Variants in CCPG1 observed in about 807,000 individuals in gnomAD.
CCPG1 encodes the protein cell cycle progression 1.
In CCPG1, 46 loss-of-function variants were observed where a neutral mutation model predicts 81.3. The ratio of observed to expected loss-of-function variants is 0.57; its 90% confidence interval spans 0.45 to 0.72. CCPG1 has a LOEUF of 0.72. Among genes scored for constraint, CCPG1 ranks in the 30% least tolerant of loss-of-function variants. The pLI, the probability that CCPG1 is intolerant of heterozygous loss-of-function variation, is 0.00. For missense variants in CCPG1, 902 were observed against 937.6 expected, an observed-to-expected ratio of 0.96 and a Z score of 0.50; for synonymous variants, 330 against 305.2, an observed-to-expected ratio of 1.08 and a Z score of -0.85.
At chr15:55,361,162 T>C (rs907313982) in intron 7 of CCPG1, among the ~76,000 whole-genome samples, 2 of 151,476 alleles carry the variant, frequency 1.3e-5, no homozygotes, top group African/African-American at 2.4e-5. Flanking sequence ...AACTACAGCA[T>C]GGTGTAAGAA....
chr15:55,379,161 C>CGTGTGT lies in CCPG1; in HGVS notation c.176-791_176-786dup, dbSNP rs57640801. On this transcript the variant is annotated intron_variant, in intron 3 of 8. Coordinates refer to ENST00000442196, the MANE Select transcript of CCPG1 (RefSeq NM_001204450.2). ...TTATGAAAGTATGTATGTATATGTA[C>CGTGTGT]GTGTGTGTGTGTGTGTGTGTGTGTG... Among the ~76,000 whole-genome samples, 1,191 of 134,720 alleles carry CGTGTGT rather than the reference C, an allele frequency of 8.8e-3. 34 individuals are homozygous for CGTGTGT. Among genetic ancestry groups the CGTGTGT allele is most frequent in the African/African-American group, 0.03 (995 of 33,138 alleles). 88.4% of individuals were successfully genotyped at this position (134,720 alleles called of 152,430 possible). A position where few individuals can be genotyped will look rare whatever the true frequency, so the allele number is the denominator to read the frequency against.
intron 1 of CCPG1, among the ~76,000 whole-genome samples, chr15:55,406,062 G>C (rs1312720806): frequency 6.6e-6 from 1 of 152,096 alleles, no homozygotes; most frequent in African/African-American, 2.4e-5. Context: ...ACGGGGTTTT[G>C]CCACGTTGGC....
In CCPG1 at chr15:55,355,372, T is replaced by C. The variant is rs746164541; in HGVS notation, c.*848A>G. The stretch of plus-strand genomic sequence containing the variant: ...ACTTGCCAGAGGGTCGAATTGGAAG[T>C]CACATATATGTCTATGAACGGAAGT... On this transcript the variant is annotated 3_prime_UTR_variant, in exon 9 of 9. Transcript: ENST00000442196. 6 of 1,611,550 alleles carry C rather than the reference T, an allele frequency of 3.7e-6. No homozygotes were observed. The African/African-American group carries it at 8.0e-5, about 22-fold the overall frequency.
chr15:55,364,281 G>C (rs1021255629), intron 7 of CCPG1, among the ~76,000 whole-genome samples: 1 of 150,160 alleles, frequency 6.7e-6, no homozygotes, highest in Non-Finnish European at 1.5e-5. Context: ...GGCAGAAAAA[G>C]ATAACATGCT....
chr15:55,386,080 T>C (rs2056792433), intron 2 of CCPG1, among the ~76,000 whole-genome samples: 1 of 151,882 alleles, frequency 6.6e-6, no homozygotes. Flanking sequence ...CTTCGCTAGA[T>C]GCTGTGGGAT....
chr15:55,374,089 G>A (rs186812161), intron 5 of CCPG1: 11 of 896,832 alleles, frequency 1.2e-5, no homozygotes, highest in East Asian at 1.2e-4. Flanking sequence ...TAAAGCACTC[G>A]GTAAATAGTA....
rs1481182375 is a variant in CCPG1, at chr15:55,408,226, G to A, written c.-15C>T. 1 of 153,118 alleles carries A rather than the reference G, an allele frequency of 6.5e-6. No homozygotes were observed. Among genetic ancestry groups the A allele is most frequent in the Non-Finnish European group, 1.5e-5 (1 of 68,542 alleles). The allele number at this position is 153,118 out of a possible 1,614,324, so 9.5% of individuals were successfully genotyped here. Reference sequence around the variant, plus strand: ...AAGCCCGCCTAGTACAGTACCTGAAGGGGCAGCGCCACCTCCGCCCGATTG... The same window carrying A: ...AAGCCCGCCTAGTACAGTACCTGAAAGGGCAGCGCCACCTCCGCCCGATTG... On this transcript the variant is annotated 5_prime_UTR_variant, in exon 1 of 9. Coordinates refer to ENST00000442196, the MANE Select transcript of CCPG1 (RefSeq NM_001204450.2).
chr15:55,383,532 A>G (rs1333374269), intron 3 of CCPG1, among the ~76,000 whole-genome samples: 1 of 152,228 alleles, frequency 6.6e-6, no homozygotes, highest in Admixed American at 6.5e-5. Context: ...TGTAGTTAGG[A>G]AAGTCCTAGA....
chr15:55,390,805 G>A (rs1360998791), intron 1 of CCPG1, among the ~76,000 whole-genome samples: 1 of 152,096 alleles, frequency 6.6e-6, no homozygotes, highest in African/African-American at 2.4e-5. Flanking sequence ...AAATTAACAT[G>A]TTTCAAATGA....
chr15:55,392,046 A>AG (rs2056929777), intron 1 of CCPG1, among the ~76,000 whole-genome samples: 1 of 145,802 alleles, frequency 6.9e-6, no homozygotes. Flanking sequence ...AAAAAAAAAA[A>AG]TCAAAAGATC....
At chr15:55,390,641 G>A (rs1001203424) in intron 1 of CCPG1, among the ~76,000 whole-genome samples, 4 of 152,044 alleles carry the variant, frequency 2.6e-5, no homozygotes, top group South Asian at 2.1e-4. Context: ...TTTTAGTAGA[G>A]ACGAGGTTTC....
rs2056075527 is a variant in CCPG1 at position 55,356,269 on chromosome 15, G to A, written c.2375C>T (p.Ala792Val). ...KYGRTNGRQM[A>V]NLEIELGQLP... Reference sequence around the variant, plus strand: ...TTGCCCCAATTCTATTTCAAGATTTGCCATTTGTCTTCCATTAGTGCGACC... The same window carrying A: ...TTGCCCCAATTCTATTTCAAGATTTACCATTTGTCTTCCATTAGTGCGACC... Residue 792 changes from alanine (A) to valine (V), a missense_variant, in exon 9 of 9, where the codon GCA becomes GTA. Physicochemically the swap from Ala to Val is moderately conservative, Grantham distance 64 (BLOSUM62 0). Around this residue, in one of 3 missense-constraint regions of CCPG1, gnomAD observed 128 missense variants for 161.2 expected, o/e 0.79. Transcript: ENST00000442196. The A allele has an allele frequency of 6.5e-7, 1 of 1,534,500 alleles. No individual in the cohort carries two copies. Among genetic ancestry groups the A allele is most frequent in the South Asian group, 1.2e-5 (1 of 83,820 alleles).
chr15:55,365,116 A>C (rs1458686033), intron 7 of CCPG1, 72 bp downstream of exon 7: 13 of 866,836 alleles, frequency 1.5e-5, no homozygotes, highest in Non-Finnish European at 2.4e-5. Context: ...TGCACTAATA[A>C]GCACAATAAG....
intron 7 of CCPG1, among the ~76,000 whole-genome samples, chr15:55,362,342 A>G (rs1026545787): frequency 4.4e-5 from 6 of 135,358 alleles, no homozygotes; most frequent in South Asian, 2.6e-4. Flanking sequence ...AAAAAAAAGG[A>G]AAAAAAAATA....
intron 1 of CCPG1, among the ~76,000 whole-genome samples, chr15:55,398,018 T>A (rs1242882112): frequency 6.6e-6 from 1 of 151,892 alleles, no homozygotes; most frequent in East Asian, 1.9e-4. Flanking sequence ...GCAAATTGGT[T>A]TGGGGCATTT....
At position 55,360,169 on chromosome 15, in the gene CCPG1, T is replaced by C. The variant is rs752694937; in HGVS notation, c.1604A>G (p.His535Arg). ...GATATTCTTGGTGGTATCTTTAAAG[T>C]GTCTGAAAGTGGATTTAACTGAATC... ...FSDSVKSTFR[H>R]FKDTTKNIFD... Residue 535 changes from histidine (H) to arginine (R), a missense_variant, in exon 8 of 9, where the codon CAC becomes CGC. This residue lies in a region of CCPG1 where 746 missense variants were observed against 728.6 expected (regional missense o/e 1.02). Coordinates refer to ENST00000442196, the MANE Select transcript of CCPG1 (RefSeq NM_001204450.2). 2.5e-6 allele frequency: 4 copies of C among 1,613,290 alleles called. No homozygotes were observed. The East Asian group carries it at 8.9e-5, about 36-fold the overall frequency.
chr15:55,386,055 A>G (rs887500076), intron 2 of CCPG1, among the ~76,000 whole-genome samples: 1 of 152,136 alleles, frequency 6.6e-6, no homozygotes, highest in African/African-American at 2.4e-5. Context: ...TTATGGAACT[A>G]CTCTAGACAA....
At chr15:55,406,723 C>T (rs1442306764) in intron 1 of CCPG1, among the ~76,000 whole-genome samples, 2 of 151,820 alleles carry the variant, frequency 1.3e-5, no homozygotes, top group Admixed American at 1.3e-4. Context: ...GCCTGAGCCA[C>T]CGCTCTGGAC....
chr15:55,357,338 C>T (rs1293029339), intron 8 of CCPG1: 2 of 985,098 alleles, frequency 2.0e-6, no homozygotes, highest in Non-Finnish European at 2.4e-6. Flanking sequence ...TTTTTCCTTT[C>T]CTCTCCTACT....
Sources: gnomAD v4.1 joint callset for allele counts (sites outside exome capture counted in the v4.1 genomes callset) on GRCh38, gnomAD v4.1.1 for gene constraint, gnomAD v4.1.1 regional missense constraint, MANE v1.5 for transcripts, NCBI Gene and HGNC (gene_info 2026-07-23, HGNC 2026-07-21) for gene names.